Variants in C4orf51 observed in about 807,000 individuals in gnomAD.
C4orf51 encodes chromosome 4 open reading frame 51, also known as uncharacterized protein C4orf51.
In C4orf51, 25 loss-of-function variants were observed where a neutral mutation model predicts 25.2. That is an observed-to-expected ratio of 0.99 (90% CI 0.72 to 1.39). The LOEUF is 1.39. C4orf51 is among the 40% of genes most tolerant of loss of function. C4orf51 has a pLI of 0.00. For synonymous variants in C4orf51, 100 were observed against 84.5 expected (o/e 1.18, Z -1.01); for missense variants, 252 against 239.6 (o/e 1.05, Z -0.34).
At chr4:145,734,612 C>G (rs1184381192), downstream of C4orf51, among the ~76,000 whole-genome samples, 2 of 152,148 alleles carry the variant, frequency 1.3e-5, no homozygotes, top group Non-Finnish European at 2.9e-5. Flanking sequence ...CCACTCCCGC[C>G]CTGACCGTGT....
In C4orf51 at chr4:145,761,493, C is replaced by T; in HGVS notation, n.167-9495C>T. 7.8e-7 allele frequency: 1 copy of T among 1,289,824 alleles called. No homozygotes were observed. Among genetic ancestry groups the T allele is most frequent in the South Asian group, 1.2e-5 (1 of 81,032 alleles). 79.9% of individuals were successfully genotyped at this position (1,289,824 alleles called of 1,614,324 possible). A position where few individuals can be genotyped will look rare whatever the true frequency, so the allele number is the denominator to read the frequency against. On this transcript the variant is annotated intron_variant and non_coding_transcript_variant, in intron 1 of 1. Coordinates refer to the C4orf51 transcript ENST00000510096. The surrounding 1 kb of genome is among the most constrained non-coding windows in gnomAD (Gnocchi z 6.8). ...GCGTCTCCAGCTCCAGCTGGTTGGC[C>T]TTCACCGTCTGGCAGATCCGGCACT...
chr4:145,769,785 A>C (rs942789545), intron 1 of C4orf51, among the ~76,000 whole-genome samples: 70 of 152,190 alleles, frequency 4.6e-4, no homozygotes, highest in Non-Finnish European at 8.8e-5. Context: ...AACTTCACAC[A>C]TTAGGACAAC....
Position 145,726,901 on chromosome 4 carries a change from G to T in C4orf51, c.308-10G>T. On this transcript the variant is annotated splice_polypyrimidine_tract_variant and intron_variant, in intron 2 of 5. Transcript: ENST00000438731. ...TTTAATCCTGATTTTCCCTCTTCAT[G>T]TGCATGCAGGACTATTCCCTGATAT... 1.2e-6 allele frequency: 2 copies of T among 1,609,362 alleles called. No individual in the cohort carries two copies. Among genetic ancestry groups the T allele is most frequent in the Admixed American group, 1.7e-5 (1 of 59,794 alleles).
intron 1 of C4orf51, among the ~76,000 whole-genome samples, chr4:145,696,171 A>T (rs1420108555): frequency 6.6e-6 from 1 of 152,190 alleles, no homozygotes; most frequent in Non-Finnish European, 1.5e-5. Flanking sequence ...CTGAGGCAGG[A>T]GAATCACTTG....
Position 145,765,539 on chromosome 4 carries a change from C to G in C4orf51, n.167-5449C>G, listed in dbSNP as rs776654285. On this transcript the variant is annotated intron_variant and non_coding_transcript_variant, in intron 1 of 1. Coordinates refer to the C4orf51 transcript ENST00000510096. The surrounding 1 kb of genome is among the most constrained non-coding windows in gnomAD (Gnocchi z 4.7). ...GGTTGAGCAGGCTCACACCCACCTC[C>G]TCCTTACCTTTCTCTGGCTTTTCCT... The G allele has an allele frequency of 1.2e-5, 19 of 1,608,114 alleles. No individual in the cohort carries two copies. In the South Asian group the frequency reaches 1.7e-4, roughly 14 times the overall value.
chr4:145,789,644 C>G, the C4orf51 span, among the ~76,000 whole-genome samples: 1 of 152,112 alleles, frequency 6.6e-6, no homozygotes, highest in Non-Finnish European at 1.5e-5. Context: ...TTCCCAAACC[C>G]GAATCTGTCT....
intron 2 of C4orf51, among the ~76,000 whole-genome samples, chr4:145,721,379 A>T: frequency 6.6e-6 from 1 of 150,876 alleles, no homozygotes; most frequent in South Asian, 2.1e-4. Context: ...ACTGGCCACC[A>T]ATATGTCTAG....
Position 145,765,443 on chromosome 4 carries a change from C to A in C4orf51, n.167-5545C>A. On this transcript the variant is annotated intron_variant and non_coding_transcript_variant, in intron 1 of 1. Coordinates refer to the C4orf51 transcript ENST00000510096. This position sits in a 1 kb window ranked among gnomAD's most constrained non-coding sequence, Gnocchi z 4.7. ...GAGGCCCAGCATACTGCATCCTGGG[C>A]CTATTATCAGTTTTTGACATCGCTC... 1 of 1,356,518 alleles carries A rather than the reference C, an allele frequency of 7.4e-7. No individual in the cohort carries two copies. The highest frequency in any genetic ancestry group is 1.0e-6 in the Non-Finnish European group (1 of 1,001,522). 84.0% of individuals were successfully genotyped at this position (1,356,518 alleles called of 1,614,324 possible). A position where few individuals can be genotyped will look rare whatever the true frequency, so the allele number is the denominator to read the frequency against.
At chr4:145,760,904 G>C in intron 1 of C4orf51, 1 of 1,234,378 alleles carries the variant, frequency 8.1e-7, no homozygotes. Flanking sequence ...TGGTTCTTGG[G>C]GTATAACATT....
Position 145,765,508 on chromosome 4 carries a change from GC to G in C4orf51, n.167-5479del. 1 of 1,573,284 alleles carries G rather than the reference GC, an allele frequency of 6.4e-7. No individual in the cohort carries two copies. Among genetic ancestry groups the G allele is most frequent in the Non-Finnish European group, 8.6e-7 (1 of 1,160,616 alleles). ...TTCTCAAGAATGGGTCATCCTGGGTGCGGAGGGTTGAGCAGGCTCACACCCA... is the reference window on the plus strand; with the variant it reads ...TTCTCAAGAATGGGTCATCCTGGGTGGGAGGGTTGAGCAGGCTCACACCCA... On this transcript the variant is annotated intron_variant and non_coding_transcript_variant, in intron 1 of 1. Transcript: ENST00000510096. The surrounding 1 kb of genome is among the most constrained non-coding windows in gnomAD (Gnocchi z 4.7).
At chr4:145,752,692 G>A (rs1733734926) in intron 1 of C4orf51, among the ~76,000 whole-genome samples, 1 of 152,150 alleles carries the variant, frequency 6.6e-6, no homozygotes, top group South Asian at 2.1e-4. Flanking sequence ...AAGTTCACTG[G>A]TTTCAAGTCC....
At chr4:145,760,717 GT>G in intron 1 of C4orf51, 1 of 913,180 alleles carries the variant, frequency 1.1e-6, no homozygotes, top group Non-Finnish European at 1.3e-6. Context: ...TTTAAGTTTT[GT>G]GGTTTTTTTT....
At chr4:145,783,516 A>G in the C4orf51 span, among the ~76,000 whole-genome samples, 1 of 152,222 alleles carries the variant, frequency 6.6e-6, no homozygotes, top group African/African-American at 2.4e-5. Flanking sequence ...GCATCAAGCC[A>G]CAAGATGATT....
At chr4:145,722,491 T>C (rs908431840) in intron 2 of C4orf51, among the ~76,000 whole-genome samples, 1 of 152,210 alleles carries the variant, frequency 6.6e-6, no homozygotes, top group African/African-American at 2.4e-5. Flanking sequence ...CTAGAATAAT[T>C]TGTATCTAAT....
chr4:145,780,867 T>C, the C4orf51 span, among the ~76,000 whole-genome samples: 1 of 152,200 alleles, frequency 6.6e-6, no homozygotes, highest in Non-Finnish European at 1.5e-5. Context: ...TGGTGATAAT[T>C]GAATGGTGGT....
chr4:145,685,895 A>G (rs1729125874), intron 1 of C4orf51, among the ~76,000 whole-genome samples: 1 of 152,232 alleles, frequency 6.6e-6, no homozygotes, highest in South Asian at 2.1e-4. Flanking sequence ...GTACACTCAT[A>G]TAACCCATGA....
chr4:145,766,933 C>T (rs1579088163), intron 1 of C4orf51, among the ~76,000 whole-genome samples: 1 of 152,100 alleles, frequency 6.6e-6, no homozygotes, highest in Non-Finnish European at 1.5e-5. Flanking sequence ...CCCAAAGGAA[C>T]GAGGTTTCCA....
intron 3 of C4orf51, 74 bp from the exon 4 acceptor site, chr4:145,729,094 TG>T: frequency 9.4e-7 from 1 of 1,061,158 alleles, no homozygotes; most frequent in Non-Finnish European, 1.4e-6. Context: ...GGAACAATGT[TG>T]GGAAAATGAA....
chr4:145,696,488 A>G lies in C4orf51; in HGVS notation c.234-71A>G, dbSNP rs1201044740. ...AAAAAAGATGAATGGAAATCCCTGT[A>G]AGTCCACAGGCTTCATGTGATTTAT... On this transcript the variant is annotated intron_variant, in intron 1 of 5. Transcript: ENST00000438731. 13 of 1,224,422 alleles carry G rather than the reference A, an allele frequency of 1.1e-5. No individual in the cohort carries two copies. The East Asian group carries it at 2.6e-4, about 24-fold the overall frequency. 75.8% of individuals were successfully genotyped at this position (1,224,422 alleles called of 1,614,324 possible).
Sources: allele counts gnomAD v4.1 joint callset (sites outside exome capture counted in the v4.1 genomes callset), GRCh38; gene constraint gnomAD v4.1.1; non-coding constraint Gnocchi (gnomAD v3.1); transcripts MANE v1.5; gene names NCBI Gene and HGNC (gene_info 2026-07-23, HGNC 2026-07-21).